NFXL1: variants seen among roughly 807,000 people sequenced by gnomAD.
NFXL1 encodes nuclear transcription factor, X-box binding like 1.
NFXL1 carries 66 observed loss-of-function variants against 123.3 expected under a neutral mutation model. The ratio of observed to expected loss-of-function variants is 0.54; its 90% CI spans 0.44 to 0.66. The LOEUF is 0.66. Among genes scored for constraint, NFXL1 ranks in the 30% least tolerant of loss-of-function variants. The pLI is 0.00. For missense variants in NFXL1, 944 were observed against 1,125.6 expected (o/e 0.84, Z 2.31); for synonymous variants, 346 against 360.8 (o/e 0.96, Z 0.46).
chr4:47,856,398 TTTACAATGG>T (rs2110033153), intron 19 of NFXL1, among the ~76,000 whole-genome samples: 1 of 152,268 alleles, frequency 6.6e-6, no homozygotes, highest in South Asian at 2.1e-4. Flanking sequence ...ATTTTTCAGT[TTTACAATGG>T]ATTTAATCAG....
intron 19 of NFXL1, among the ~76,000 whole-genome samples, chr4:47,857,590 T>C (rs918107262): frequency 6.6e-6 from 1 of 152,224 alleles, no homozygotes; most frequent in Non-Finnish European, 1.5e-5. Flanking sequence ...GGCTAGGTCT[T>C]CTGCCTTCAA....
In NFXL1 at chr4:47,875,306, A is replaced by G. The variant is rs1444737324; in HGVS notation, c.2080-13T>C. ...ATTCTGGGCCAGCCTGAAAAACAGC[A>G]TGGAAATAAATCACCTAAGTACAAG... On this transcript the variant is annotated splice_polypyrimidine_tract_variant and intron_variant, in intron 17 of 22. Coordinates refer to ENST00000507489, the MANE Select transcript of NFXL1 (RefSeq NM_001278624.2). The G allele has an allele frequency of 1.2e-6, 2 of 1,603,128 alleles. No individual in the cohort carries two copies. The highest frequency in any genetic ancestry group is 1.1e-5 in the South Asian group (1 of 89,778).
chr4:47,864,933 C>T (rs555808836), intron 18 of NFXL1, among the ~76,000 whole-genome samples: 23 of 152,168 alleles, frequency 1.5e-4, no homozygotes, highest in African/African-American at 2.2e-4. Context: ...AACTTGAAGC[C>T]GGTCAGTCAG....
rs201213581 is a variant in NFXL1, at chr4:47,855,102, T to C, written c.2378A>G (p.Asn793Ser). ...CHPGECPFNC[N>S]QKVKLRCPCK... ...AGGACATCTAAGTTTTACCTTCTGG[T>C]TGCAGTTAAAGGGACATTCACCAGG... Residue 793 changes from asparagine (N) to serine (S), a missense_variant, in exon 20 of 23, where the codon AAC (asparagine) becomes AGC (serine). Asn to Ser is a conservative substitution (Grantham distance 46). Transcript: ENST00000507489. 1 of 1,578,560 alleles carries C rather than the reference T, an allele frequency of 6.3e-7. No individual in the cohort carries two copies. Among genetic ancestry groups the C allele is most frequent in the East Asian group, 2.3e-5 (1 of 43,876 alleles).
At chr4:47,890,318 T>C (rs7688988) in intron 12 of NFXL1, among the ~76,000 whole-genome samples, 6,173 of 152,058 alleles carry the variant, frequency 0.041, 171 homozygotes, top group Non-Finnish European at 0.06. Flanking sequence ...AGTCAGGAAG[T>C]GGGAAAACAA....
intron 14 of NFXL1, 29 bp from the exon 15 acceptor site, chr4:47,884,466 G>T (rs1403996683): frequency 9.6e-6 from 13 of 1,355,176 alleles, no homozygotes; most frequent in Non-Finnish European, 1.4e-5. Context: ...AGAATTTTAA[G>T]TCAGAGGGAT....
chr4:47,899,014 T>C lies in NFXL1; in HGVS notation c.933A>G (p.Pro311=), dbSNP rs773090162. Residue 311 remains proline, a synonymous_variant, in exon 7 of 23, where the codon CCA becomes CCG. Transcript: ENST00000507489. The part of the protein sequence containing the change: ...CSAKEWSCQL[P]CGQKLLCGQH... ...GCCCACAAAGCAACTTCTGTCCACA[T>C]GGCAGCTGACAAGACCATTCCTTGG... 6.2e-6 allele frequency: 10 copies of C among 1,613,900 alleles called. 1 individual carries two copies. In the Admixed American group the frequency reaches 1.5e-4, roughly 24 times the overall value.
chr4:47,848,128 C>A lies in NFXL1; in HGVS notation c.*35G>T. On this transcript the variant is annotated 3_prime_UTR_variant, in exon 23 of 23. Coordinates refer to ENST00000507489, the MANE Select transcript of NFXL1 (RefSeq NM_001278624.2). ...TTCAAATTTAACAACTTATCTAAAT[C>A]CAATCTGAGTTACATTAAAAGATCA... 7.3e-7 allele frequency: 1 copy of A among 1,369,602 alleles called. No individual in the cohort carries two copies. 84.8% of individuals were successfully genotyped at this position (1,369,602 alleles called of 1,614,324 possible). A position where few individuals can be genotyped will look rare whatever the true frequency, so the allele number is the denominator to read the frequency against.
intron 19 of NFXL1, among the ~76,000 whole-genome samples, chr4:47,862,383 C>A (rs1485723497): frequency 6.6e-6 from 1 of 152,188 alleles, no homozygotes; most frequent in Non-Finnish European, 1.5e-5. Flanking sequence ...GTATCTTCTA[C>A]GTCACCATCT....
chr4:47,876,797 T>C (rs1735782139), intron 17 of NFXL1, among the ~76,000 whole-genome samples: 1 of 152,136 alleles, frequency 6.6e-6, no homozygotes, highest in South Asian at 2.1e-4. Context: ...GTACAGGTTA[T>C]GAGAAACTGT....
chr4:47,869,085 C>T (rs1214043050), intron 18 of NFXL1, among the ~76,000 whole-genome samples: 2 of 152,054 alleles, frequency 1.3e-5, no homozygotes, highest in Non-Finnish European at 2.9e-5. Context: ...ATTATCCAGG[C>T]GTGGTGGTAT....
intron 2 of NFXL1, among the ~76,000 whole-genome samples, chr4:47,912,257 G>A (rs1320604512): frequency 6.6e-6 from 1 of 152,000 alleles, no homozygotes; most frequent in Admixed American, 6.6e-5. Flanking sequence ...TTAATATACG[G>A]GAAATTAGCA....
intron 17 of NFXL1, among the ~76,000 whole-genome samples, chr4:47,876,751 T>C (rs187267407): frequency 3.0e-4 from 45 of 152,192 alleles, no homozygotes; most frequent in Non-Finnish European, 6.3e-4. Context: ...GAAATCTAAG[T>C]CAAAGGTAAT....
At chr4:47,911,964 T>C (rs755071689) in intron 2 of NFXL1, among the ~76,000 whole-genome samples, 31 of 152,226 alleles carry the variant, frequency 2.0e-4, no homozygotes, top group Non-Finnish European at 2.2e-4. Context: ...TTGACTATTT[T>C]AAAATTAACA....
At chr4:47,902,536 T>C (rs1737395497) in intron 5 of NFXL1, among the ~76,000 whole-genome samples, 1 of 152,214 alleles carries the variant, frequency 6.6e-6, no homozygotes, top group Non-Finnish European at 1.5e-5. Context: ...CATTAAATGA[T>C]AGTCTTGTAC....
At position 47,851,907 on chromosome 4, in the gene NFXL1, A is replaced by T. The variant is rs772806780; in HGVS notation, c.2457T>A (p.Val819=). Residue 819 remains valine, a synonymous_variant, in exon 21 of 23, where the codon GTT becomes GTA. Transcript: ENST00000507489. ...LQCNKVRENQ[V]SIECDTTCKE... is the part of the protein sequence containing the mutation. Reference sequence around the variant, plus strand: ...TGCACGTTGTGTCACATTCTATTGAAACCTGATTTTCACGTACTTTGTTGC... The same window carrying T: ...TGCACGTTGTGTCACATTCTATTGATACCTGATTTTCACGTACTTTGTTGC... 6.2e-7 allele frequency: 1 copy of T among 1,611,824 alleles called. No individual in the cohort carries two copies. Among genetic ancestry groups the T allele is most frequent in the East Asian group, 2.2e-5 (1 of 44,832 alleles).
At chr4:47,870,262 T>C (rs1394595509) in intron 18 of NFXL1, among the ~76,000 whole-genome samples, 1 of 152,184 alleles carries the variant, frequency 6.6e-6, no homozygotes, top group East Asian at 1.9e-4. Context: ...ACTAATACAA[T>C]TAATGAACAT....
intron 19 of NFXL1, among the ~76,000 whole-genome samples, chr4:47,861,479 T>C (rs771334107): frequency 6.6e-6 from 1 of 152,208 alleles, no homozygotes; most frequent in African/African-American, 2.4e-5. Flanking sequence ...AACTTATTTA[T>C]AGCTAAGGCA....
chr4:47,876,445 G>A (rs371717643), intron 17 of NFXL1, among the ~76,000 whole-genome samples: 77 of 152,134 alleles, frequency 5.1e-4, no homozygotes, highest in African/African-American at 1.8e-3. Context: ...AGTACAAAGG[G>A]TCTAAGAAAA....
Sources: gnomAD v4.1 joint callset for allele counts (sites outside exome capture counted in the v4.1 genomes callset) on GRCh38, gnomAD v4.1.1 for gene constraint, MANE v1.5 for transcripts, NCBI Gene and HGNC (gene_info 2026-07-23, HGNC 2026-07-21) for gene names.